Variants in PSPC1 observed in about 807,000 individuals in gnomAD.
PSPC1 encodes the protein paraspeckle protein 1.
In PSPC1, 14 loss-of-function variants were observed where a neutral mutation model predicts 51.6. The observed-to-expected ratio is 0.27, with a 90% CI of 0.18 to 0.42. The LOEUF (loss-of-function observed/expected upper bound fraction) is 0.42, where lower values mean the gene tolerates loss of function less well. Among genes scored for constraint, PSPC1 ranks in the 10% least tolerant of loss-of-function variants. PSPC1 has a pLI of 1.00. For missense variants in PSPC1, 406 were observed against 701.1 expected (o/e 0.58, Z 4.75); for synonymous variants, 193 against 231.9 (o/e 0.83, Z 1.53).
In PSPC1 at chr13:19,767,523, T is replaced by A. The variant is rs184100193; in HGVS notation, c.674+4719A>T. Among the ~76,000 whole-genome samples, 360 of 152,108 alleles carry A rather than the reference T, an allele frequency of 2.4e-3. 5 individuals carry two copies. The South Asian group carries it at 0.025, about 11-fold the overall frequency. On this transcript the variant is annotated intron_variant, in intron 2 of 8. Coordinates refer to ENST00000338910, the MANE Select transcript of PSPC1 (RefSeq NM_001354909.2). ...CAAAGAACCTAAATAGCCAAAAAAA[T>A]TTTTGAAAAAATAAAATTGGATGAT...
At chr13:19,781,295 G>C (rs1327292542) in intron 1 of PSPC1, among the ~76,000 whole-genome samples, 1 of 151,932 alleles carries the variant, frequency 6.6e-6, no homozygotes, top group Admixed American at 6.6e-5. Flanking sequence ...GGGACTACAG[G>C]CGCGCACCAC....
intron 2 of PSPC1, among the ~76,000 whole-genome samples, chr13:19,759,759 C>T (rs868825827): frequency 6.6e-6 from 1 of 151,110 alleles, no homozygotes; most frequent in Admixed American, 6.6e-5. Flanking sequence ...CTACTGAGGA[C>T]GCTGAGGCAG....
intron 3 of PSPC1, among the ~76,000 whole-genome samples, chr13:19,757,597 CATAGG>C (rs1887214284): frequency 6.6e-6 from 1 of 152,138 alleles, no homozygotes. Flanking sequence ...ATATCCTCTC[CATAGG>C]ACATACACCG....
chr13:19,757,868 A>G (rs1887235480), intron 3 of PSPC1, among the ~76,000 whole-genome samples: 1 of 152,244 alleles, frequency 6.6e-6, no homozygotes. Flanking sequence ...GAGGTGGGAC[A>G]GGCAGAGAAC....
At chr13:19,775,041 T>C (rs1260266576) in intron 1 of PSPC1, among the ~76,000 whole-genome samples, 2 of 151,336 alleles carry the variant, frequency 1.3e-5, no homozygotes, top group Non-Finnish European at 2.9e-5. Flanking sequence ...AAAATTTAAA[T>C]AAAAGAAACT....
At chr13:19,745,256 T>G (rs1017118706) in intron 4 of PSPC1, among the ~76,000 whole-genome samples, 12 of 152,154 alleles carry the variant, frequency 7.9e-5, no homozygotes, top group Non-Finnish European at 1.3e-4. Context: ...GAGGCACAGG[T>G]TGCAGTGAGC....
intron 2 of PSPC1, among the ~76,000 whole-genome samples, chr13:19,770,045 C>T (rs1469232459): frequency 2.4e-5 from 2 of 81,946 alleles, no homozygotes; most frequent in South Asian, 5.5e-4. Context: ...CCATATGTCA[C>T]GGACAAAACA....
At chr13:19,770,800 G>A (rs1360076815) in intron 2 of PSPC1, among the ~76,000 whole-genome samples, 1 of 151,814 alleles carries the variant, frequency 6.6e-6, no homozygotes, top group East Asian at 1.9e-4. Flanking sequence ...TCAAGTGGCT[G>A]AGGAAGGAGA....
At chr13:19,777,550 T>C (rs565118637) in intron 1 of PSPC1, among the ~76,000 whole-genome samples, 1 of 152,172 alleles carries the variant, frequency 6.6e-6, no homozygotes, top group Non-Finnish European at 1.5e-5. Context: ...TAATGATTAT[T>C]TAACCTGAAT....
At chr13:19,682,097 C>A (rs1189224875) in intron 6 of PSPC1, among the ~76,000 whole-genome samples, 2 of 152,122 alleles carry the variant, frequency 1.3e-5, no homozygotes, top group East Asian at 3.9e-4. Context: ...AAGAACTTGA[C>A]AACAGATCCA....
chr13:19,777,526 T>C (rs2138358357), intron 1 of PSPC1, among the ~76,000 whole-genome samples: 1 of 152,158 alleles, frequency 6.6e-6, no homozygotes, highest in African/African-American at 2.4e-5. Context: ...AATGCATTTA[T>C]AATGTTCAAA....
intron 2 of PSPC1, among the ~76,000 whole-genome samples, chr13:19,764,640 C>T (rs959066363): frequency 1.5e-5 from 2 of 132,314 alleles, no homozygotes; most frequent in Non-Finnish European, 3.1e-5. Flanking sequence ...GAGCTATGAT[C>T]GTGCCACTGC....
At chr13:19,716,716 T>A (rs1298822659) in intron 6 of PSPC1, among the ~76,000 whole-genome samples, 1 of 152,184 alleles carries the variant, frequency 6.6e-6, no homozygotes, top group East Asian at 1.9e-4. Flanking sequence ...TCAGCCTTTT[T>A]AATCAATTAG....
At chr13:19,752,365 G>A (rs537717501) in intron 3 of PSPC1, among the ~76,000 whole-genome samples, 34 of 151,946 alleles carry the variant, frequency 2.2e-4, no homozygotes, top group South Asian at 6.2e-4. Context: ...ATAAATTAAC[G>A]AATTACCAAA....
chr13:19,709,409 A>ATT (rs1266767449), intron 7 of PSPC1, 133 bp downstream of exon 7: 1 of 599,310 alleles, frequency 1.7e-6, no homozygotes, highest in Non-Finnish European at 3.0e-6. Context: ...AGTTTAATGG[A>ATT]TGTAAGAGAT....
At chr13:19,674,007 AT>A (rs1876336588), downstream of PSPC1, among the ~76,000 whole-genome samples, 1 of 152,208 alleles carries the variant, frequency 6.6e-6, no homozygotes, top group Admixed American at 6.5e-5. Context: ...GTCAGATGAT[AT>A]GGTACTAGTA....
intron 1 of PSPC1, among the ~76,000 whole-genome samples, chr13:19,781,798 T>C (rs1319739905): frequency 1.3e-5 from 2 of 152,118 alleles, no homozygotes; most frequent in Non-Finnish European, 2.9e-5. Flanking sequence ...AAATTTAATT[T>C]AAAAAGAAAT....
chr13:19,723,681 A>C (rs1883041054), intron 6 of PSPC1, among the ~76,000 whole-genome samples: 1 of 152,210 alleles, frequency 6.6e-6, no homozygotes, highest in South Asian at 2.1e-4. Context: ...AAAATCCTAC[A>C]AATCAATTCT....
At chr13:19,738,579 G>C (rs1057355028) in intron 5 of PSPC1, among the ~76,000 whole-genome samples, 2 of 152,118 alleles carry the variant, frequency 1.3e-5, no homozygotes, top group African/African-American at 4.8e-5. Flanking sequence ...CAATATAAAG[G>C]CTATGTAAAT....
Sources: gnomAD v4.1 joint callset for allele counts (sites outside exome capture counted in the v4.1 genomes callset) on GRCh38, gnomAD v4.1.1 for gene constraint, MANE v1.5 for transcripts, NCBI Gene and HGNC (gene_info 2026-07-23, HGNC 2026-07-21) for gene names.